Variants in CNTNAP2 observed in about 807,000 individuals in gnomAD.
CNTNAP2 encodes the protein contactin associated protein 2.
A neutral mutation model predicts 155.2 loss-of-function variants in CNTNAP2; 98 were observed. The ratio of observed to expected loss-of-function variants is 0.63; its 90% CI spans 0.54 to 0.75. The LOEUF is 0.75. Ranked by LOEUF, CNTNAP2 falls within the 30% of genes least tolerant of loss-of-function variation. The pLI is 0.00. For missense variants in CNTNAP2, 1,727 were observed against 1,688.1 expected, an observed-to-expected ratio of 1.02 and a Z score of -0.40; for synonymous variants, 651 against 631.2, an observed-to-expected ratio of 1.03 and a Z score of -0.47.
chr7:147,493,161 T>C (rs958815386), intron 11 of CNTNAP2, among the ~76,000 whole-genome samples: 13 of 152,324 alleles, frequency 8.5e-5, no homozygotes, highest in Non-Finnish European at 1.3e-4. Flanking sequence ...TTCATATCAG[T>C]GATTCTCAAT....
At chr7:147,602,798 G>A (rs1467368791) in intron 12 of CNTNAP2, among the ~76,000 whole-genome samples, 1 of 151,874 alleles carries the variant, frequency 6.6e-6, no homozygotes, top group Non-Finnish European at 1.5e-5. Context: ...TTTCATCCAT[G>A]CCCCTACAAA....
chr7:146,295,932 G>A (rs958428287), intron 1 of CNTNAP2, among the ~76,000 whole-genome samples: 5 of 151,662 alleles, frequency 3.3e-5, no homozygotes, highest in Non-Finnish European at 5.9e-5. Flanking sequence ...TAGAATGCTT[G>A]ACAGAGCAAA....
chr7:147,218,602 ATAAAG>A (rs1803326849), intron 8 of CNTNAP2, among the ~76,000 whole-genome samples: 1 of 151,264 alleles, frequency 6.6e-6, no homozygotes, highest in Non-Finnish European at 1.5e-5. Context: ...ATTCCGGACT[ATAAAG>A]TAATTTCAAA....
intron 10 of CNTNAP2, among the ~76,000 whole-genome samples, chr7:147,430,200 C>T (rs1387563022): frequency 1.3e-5 from 2 of 152,168 alleles, no homozygotes; most frequent in Non-Finnish European, 2.9e-5. Context: ...GAGCCAAATA[C>T]AATTATTTTC....
intron 21 of CNTNAP2, among the ~76,000 whole-genome samples, chr7:148,331,524 AATGG>A (rs146885318): frequency 0.012 from 643 of 53,160 alleles, 37 homozygotes; most frequent in African/African-American, 0.059. Context: ...GGATGGATGG[AATGG>A]ATGGACGGAT....
intron 1 of CNTNAP2, among the ~76,000 whole-genome samples, chr7:146,755,147 G>A (rs956409677): frequency 1.3e-5 from 2 of 151,926 alleles, no homozygotes; most frequent in Non-Finnish European, 2.9e-5. Flanking sequence ...ATTTGTGCCT[G>A]TAAACCTATA....
At chr7:148,154,167 C>A (rs1229237910) in intron 17 of CNTNAP2, among the ~76,000 whole-genome samples, 1 of 152,236 alleles carries the variant, frequency 6.6e-6, no homozygotes, top group African/African-American at 2.4e-5. Flanking sequence ...GTGCTTCAAG[C>A]TCTTTTGCGT....
chr7:146,574,520 G>A (rs1433592585), intron 1 of CNTNAP2, among the ~76,000 whole-genome samples: 2 of 152,106 alleles, frequency 1.3e-5, no homozygotes, highest in Non-Finnish European at 2.9e-5. Context: ...GGCCAACATG[G>A]TGAGACTCCG....
intron 3 of CNTNAP2, among the ~76,000 whole-genome samples, chr7:146,937,058 A>G (rs182929733): frequency 2.0e-5 from 3 of 152,188 alleles, no homozygotes; most frequent in Non-Finnish European, 4.4e-5. Flanking sequence ...GTGTTTAGGA[A>G]TACCCCAAAG....
At chr7:146,271,051 C>A (rs73740411) in intron 1 of CNTNAP2, among the ~76,000 whole-genome samples, 4,503 of 152,038 alleles carry the variant, frequency 0.03, 219 homozygotes, top group African/African-American at 0.1. Context: ...ATTATGGTTT[C>A]CTCCAGGATT....
At chr7:147,655,728 A>G (rs1208125072) in intron 13 of CNTNAP2, among the ~76,000 whole-genome samples, 1 of 152,106 alleles carries the variant, frequency 6.6e-6, no homozygotes, top group Non-Finnish European at 1.5e-5. Context: ...AGTTAACAGA[A>G]CTCTTAAGGA....
At chr7:146,617,374 G>A (rs936609037) in intron 1 of CNTNAP2, among the ~76,000 whole-genome samples, 1 of 152,148 alleles carries the variant, frequency 6.6e-6, no homozygotes, top group Admixed American at 6.5e-5. Context: ...ATTTTTCTGC[G>A]AGAGGGAACA....
chr7:147,141,779 A>G (rs940560130), intron 8 of CNTNAP2, among the ~76,000 whole-genome samples: 3 of 152,250 alleles, frequency 2.0e-5, no homozygotes, highest in East Asian at 3.9e-4. Flanking sequence ...GACATCAATG[A>G]TGTCCTTATC....
At position 148,365,729 on chromosome 7, in the gene CNTNAP2, TATGTATGTGTATACATGTATAC is replaced by T. The variant is rs1267006517; in HGVS notation, c.3476-17905_3476-17884del. ...TTTTATATATATGTATACGTGTATATATGTATGTGTATACATGTATACATGTATGTGTATACGTGTATACATG... is the reference window on the plus strand; with the variant it reads ...TTTTATATATATGTATACGTGTATATATGTATGTGTATACGTGTATACATG... On this transcript the variant is annotated intron_variant, in intron 21 of 23. Coordinates refer to ENST00000361727, the MANE Select transcript of CNTNAP2 (RefSeq NM_014141.6). Among the ~76,000 whole-genome samples, 18 of 28,816 alleles carry T rather than the reference TATGTATGTGTATACATGTATAC, an allele frequency of 6.2e-4. 4 individuals carry two copies. The East Asian group carries it at 0.025, about 40-fold the overall frequency. The allele number at this position is 28,816 out of a possible 152,430, so 18.9% of individuals were successfully genotyped here.
At chr7:147,818,419 G>T (rs1358298796) in intron 13 of CNTNAP2, among the ~76,000 whole-genome samples, 1 of 152,146 alleles carries the variant, frequency 6.6e-6, no homozygotes, top group Non-Finnish European at 1.5e-5. Flanking sequence ...AGCAATAATT[G>T]ATCATATTTG....
chr7:147,567,285 A>G (rs1464246625), intron 12 of CNTNAP2, among the ~76,000 whole-genome samples: 3 of 152,278 alleles, frequency 2.0e-5, no homozygotes, highest in Admixed American at 2.0e-4. Context: ...GCGGCTGAGA[A>G]ATCAGGAGAA....
intron 1 of CNTNAP2, among the ~76,000 whole-genome samples, chr7:146,484,748 A>G (rs934426538): frequency 4.6e-5 from 7 of 152,208 alleles, no homozygotes; most frequent in African/African-American, 1.7e-4. Context: ...TCTTATTGCT[A>G]CACCCCATGA....
chr7:147,089,965 A>G (rs1478925430), intron 4 of CNTNAP2, among the ~76,000 whole-genome samples: 3 of 152,220 alleles, frequency 2.0e-5, no homozygotes, highest in African/African-American at 7.2e-5. Flanking sequence ...GTGGAAGCAG[A>G]GTAGACTGAA....
intron 13 of CNTNAP2, among the ~76,000 whole-genome samples, chr7:147,659,194 C>G (rs558072749): frequency 6.6e-6 from 1 of 152,274 alleles, no homozygotes; most frequent in African/African-American, 2.4e-5. Flanking sequence ...AATCCTCAAT[C>G]TTTTCTCATT....
Sources: gnomAD v4.1 joint callset for allele counts (sites outside exome capture counted in the v4.1 genomes callset) on GRCh38, gnomAD v4.1.1 for gene constraint, MANE v1.5 for transcripts, NCBI Gene and HGNC (gene_info 2026-07-23, HGNC 2026-07-21) for gene names.